The following ERICH2 variants were observed in gnomAD, a reference collection of about 807,000 sequenced individuals.
ERICH2 encodes the protein glutamate rich 2.
ERICH2 carries 17 observed loss-of-function variants against 17.4 expected under a neutral mutation model. The observed-to-expected ratio is 0.98, with a 90% CI of 0.67 to 1.47. The LOEUF is 1.47. ERICH2 is among the 40% of genes most tolerant of loss of function. The probability of loss-of-function intolerance (pLI) is 0.00; values close to 1 mark genes in which losing one functional copy is unlikely to be tolerated. For missense variants in ERICH2, 186 were observed against 183.2 expected (o/e 1.01, Z -0.09); for synonymous variants, 51 against 61.1 (o/e 0.83, Z 0.77).
intron 2 of ERICH2, among the ~76,000 whole-genome samples, chr2:170,790,254 G>C (rs1701256059): frequency 6.6e-6 from 1 of 152,154 alleles, no homozygotes; most frequent in South Asian, 2.1e-4. Flanking sequence ...CCAGCACTTT[G>C]GGAGGCTAGG....
At chr2:170,797,987 G>A in intron 3 of ERICH2, 54 bp from the exon 9 acceptor site, 2 of 1,239,320 alleles carry the variant, frequency 1.6e-6, no homozygotes, top group Non-Finnish European at 2.3e-6. Flanking sequence ...GAGCCTGTTT[G>A]CTGCAACACT....
chr2:170,780,104 T>C (rs769421687), upstream of ERICH2, among the ~76,000 whole-genome samples: 5 of 152,228 alleles, frequency 3.3e-5, no homozygotes, highest in South Asian at 6.2e-4. Context: ...TGATTAACTC[T>C]GTAATTTTAT....
At chr2:170,796,436 T>TTG (rs1559257216) in intron 3 of ERICH2, among the ~76,000 whole-genome samples, 7 of 27,118 alleles carry the variant, frequency 2.6e-4, no homozygotes, top group Non-Finnish European at 4.3e-4. Flanking sequence ...TTGTTTTTTT[T>TTG]TTTGTTTTTT....
intron 4 of ERICH2, 149 bp from the exon 10 acceptor site, chr2:170,798,621 A>G (rs2105731508): frequency 1.3e-6 from 1 of 768,640 alleles, no homozygotes; most frequent in Non-Finnish European, 2.0e-6. Flanking sequence ...TTGTACTACC[A>G]TTTGACCCTA....
At position 170,784,104 on chromosome 2, in the gene ERICH2, T is replaced by C. The variant is rs193016115; in HGVS notation, c.28+238T>C. The stretch of plus-strand genomic sequence containing the variant: ...TACACTATTTAGAGTAGCTCATGGC[T>C]ACCTTCCCATCAAAGAAGGCATCTC... On this transcript the variant is annotated intron_variant, in intron 1 of 4. Coordinates refer to ENST00000409885, the Ensembl canonical transcript of ERICH2. Among the ~76,000 whole-genome samples, 39 of 152,294 alleles carry C rather than the reference T, an allele frequency of 2.6e-4. 1 individual carries two copies. Among genetic ancestry groups the C allele is most frequent in the Admixed American group, 1.2e-3 (19 of 15,292 alleles).
upstream of ERICH2, chr2:170,783,140 AAAAAT>A (rs199742338): frequency 5.7e-5 from 5 of 86,982 alleles, no homozygotes; most frequent in African/African-American, 1.7e-4. Context: ...AAAAATAAAT[AAAAAT>A]AAAATAAAAA....
intron 2 of ERICH2, among the ~76,000 whole-genome samples, chr2:170,786,465 A>C (rs1398210491): frequency 6.6e-6 from 1 of 152,068 alleles, no homozygotes; most frequent in African/African-American, 2.4e-5. Context: ...CAATTTAATT[A>C]TGATGTGCCT....
intron 2 of ERICH2, among the ~76,000 whole-genome samples, chr2:170,786,733 G>GCAATATATA (rs1701168263): frequency 6.6e-6 from 1 of 151,432 alleles, no homozygotes; most frequent in Non-Finnish European, 1.5e-5. Flanking sequence ...TATCTCTTCA[G>GCAATATATA]GTTTATAATC....
chr2:170,789,072 T>A (rs1025975604), intron 2 of ERICH2, among the ~76,000 whole-genome samples: 3 of 151,870 alleles, frequency 2.0e-5, no homozygotes, highest in Admixed American at 1.3e-4. Flanking sequence ...GTGATTCTCG[T>A]GCCTCAGCCT....
the ERICH2 span, among the ~76,000 whole-genome samples, chr2:170,772,721 C>A: frequency 6.6e-6 from 1 of 152,182 alleles, no homozygotes; most frequent in Non-Finnish European, 1.5e-5. Flanking sequence ...AATGTTTCCC[C>A]CACCAAGCTC....
chr2:170,779,628 T>TAAAG (rs1700981567), upstream of ERICH2, among the ~76,000 whole-genome samples: 1 of 152,064 alleles, frequency 6.6e-6, no homozygotes, highest in South Asian at 2.1e-4. Flanking sequence ...CTTTCAAGCA[T>TAAAG]AAAGATTGAG....
At chr2:170,798,686 G>A in intron 4 of ERICH2, 84 bp from the exon 10 acceptor site, 1 of 1,482,444 alleles carries the variant, frequency 6.7e-7, no homozygotes, top group Non-Finnish European at 9.1e-7. Context: ...TGTATTTCTT[G>A]GTAGAGGGAG....
the ERICH2 span, chr2:170,777,323 A>G: frequency 2.8e-6 from 2 of 706,446 alleles, no homozygotes. Flanking sequence ...AAATTATTTC[A>G]AATATCTCAA....
exon 3 of ERICH2, chr2:170,792,915 A>T (rs1308420208): frequency 3.3e-6 from 5 of 1,503,324 alleles, no homozygotes; most frequent in African/African-American, 1.4e-5. Flanking sequence ...AAATTATGTC[A>T]GATGAGTAAG....
chr2:170,777,843 TAGA>T, the ERICH2 span: 10 of 405,160 alleles, frequency 2.5e-5, no homozygotes, highest in African/African-American at 6.1e-5. Context: ...TTACTATAGA[TAGA>T]AGGACAGTTA....
At chr2:170,793,466 C>A (rs1229100829) in intron 3 of ERICH2, among the ~76,000 whole-genome samples, 2 of 152,194 alleles carry the variant, frequency 1.3e-5, no homozygotes, top group Non-Finnish European at 2.9e-5. Context: ...GAAGGCAAAG[C>A]AGTTTTAAAT....
intron 2 of ERICH2, among the ~76,000 whole-genome samples, chr2:170,787,074 G>T (rs111985815): frequency 0.02 from 3,091 of 151,710 alleles, 125 homozygotes; most frequent in Admixed American, 0.1. Flanking sequence ...AACAGATGGG[G>T]TCTTGCTTTG....
At chr2:170,779,752 G>T (rs1700984345), upstream of ERICH2, 1 of 715,598 alleles carries the variant, frequency 1.4e-6, no homozygotes, top group African/African-American at 1.9e-5. Flanking sequence ...TTTCTAAAAT[G>T]AATAATGAGC....
At chr2:170,774,778 T>C in the ERICH2 span, among the ~76,000 whole-genome samples, 3 of 151,554 alleles carry the variant, frequency 2.0e-5, no homozygotes, top group Admixed American at 6.6e-5. Flanking sequence ...GGTTTCATCA[T>C]GTTAGCCAGG....
Sources: gnomAD v4.1 joint callset for allele counts (sites outside exome capture counted in the v4.1 genomes callset) on GRCh38, gnomAD v4.1.1 for gene constraint, MANE v1.5 for transcripts, NCBI Gene and HGNC (gene_info 2026-07-23, HGNC 2026-07-21) for gene names.